ASZ1: variants seen among roughly 807,000 people sequenced by gnomAD.
ASZ1 encodes the protein ankyrin repeat, SAM and basic leucine zipper domain-containing protein 1.
A neutral mutation model predicts 61.8 loss-of-function variants in ASZ1; 67 were observed. The observed-to-expected ratio is 1.08, with a 90% confidence interval of 0.89 to 1.33. The LOEUF is 1.33. Among genes scored for constraint, ASZ1 ranks in the 40% most tolerant of loss-of-function variants. ASZ1 has a pLI of 0.00. For synonymous variants in ASZ1, 193 were observed against 192.7 expected (o/e 1.00, Z -0.01); for missense variants, 577 against 554.5 (o/e 1.04, Z -0.41).
chr7:117,388,353 A>C (rs947357955), intron 4 of ASZ1, among the ~76,000 whole-genome samples: 1 of 152,174 alleles, frequency 6.6e-6, no homozygotes, highest in Non-Finnish European at 1.5e-5. Flanking sequence ...TGCCATTATA[A>C]GGAAAGAAAA....
intron 9 of ASZ1, 47 bp from the exon 10 acceptor site, chr7:117,380,094 TAATTTAAAA>T: frequency 1.6e-6 from 2 of 1,269,444 alleles, no homozygotes; most frequent in East Asian, 2.4e-5. Flanking sequence ...TATACTTGAG[TAATTTAAAA>T]CTCAAAATTG....
chr7:117,423,197 G>C (rs1368786690), intron 2 of ASZ1, among the ~76,000 whole-genome samples: 1 of 152,088 alleles, frequency 6.6e-6, no homozygotes, highest in African/African-American at 2.4e-5. Flanking sequence ...ATCAGGTATT[G>C]AAAGTAAGTT....
intron 10 of ASZ1, among the ~76,000 whole-genome samples, chr7:117,371,890 CTCTTAT>C (rs1562845199): frequency 6.6e-6 from 1 of 152,116 alleles, no homozygotes; most frequent in Non-Finnish European, 1.5e-5. Flanking sequence ...AATTTATCAG[CTCTTAT>C]TCTTAAGATA....
intron 12 of ASZ1, among the ~76,000 whole-genome samples, chr7:117,366,408 T>C (rs1795940159): frequency 6.6e-6 from 1 of 152,168 alleles, no homozygotes; most frequent in South Asian, 2.1e-4. Context: ...AAATGAATTA[T>C]GGGTTGAAGC....
chr7:117,404,636 C>T (rs530508278), intron 4 of ASZ1, among the ~76,000 whole-genome samples: 8 of 152,042 alleles, frequency 5.3e-5, no homozygotes, highest in Non-Finnish European at 1.0e-4. Context: ...CTTTTGGGAT[C>T]GTGCTGATTT....
chr7:117,420,996 AC>A (rs1797089676), intron 3 of ASZ1, among the ~76,000 whole-genome samples: 1 of 152,334 alleles, frequency 6.6e-6, no homozygotes, highest in East Asian at 1.9e-4. Flanking sequence ...GATTTAACAT[AC>A]AGATAAGAAC....
rs1164049073 is a variant in ASZ1 at position 117,382,996 on chromosome 7, G to T, written c.802C>A (p.His268Asn). Residue 268 changes from histidine to asparagine, a missense_variant, in exon 7 of 13, where the codon CAC (histidine) becomes AAC (asparagine). Transcript: ENST00000284629. ...AACATGCTATATTACCTAAAAATGT[G>T]ATCTTTTTCTCTATCAGAATCTGTT... The part of the protein sequence containing the change: ...LTTDSDREKD[H>N]IFSSYTAFGD... The T allele has an allele frequency of 1.3e-6, 2 of 1,567,442 alleles. No homozygotes were observed. The highest frequency in any genetic ancestry group is 3.9e-5 in the Admixed American group (2 of 51,572).
chr7:117,426,832 T>C lies in ASZ1; in HGVS notation c.205+4A>G, dbSNP rs1471940164. The C allele has an allele frequency of 1.3e-6, 2 of 1,593,608 alleles. No individual in the cohort carries two copies. The highest frequency in any genetic ancestry group is 2.7e-5 in the African/African-American group (2 of 73,348). On this transcript the variant is annotated splice_donor_region_variant and intron_variant, in intron 2 of 12. Transcript: ENST00000284629. ...TTCAGATGAAACTGTCCCTTATCTC[T>C]CACCAGAATCTAGGAGCTCCTGGAC...
At chr7:117,404,139 G>C (rs932420765) in intron 4 of ASZ1, among the ~76,000 whole-genome samples, 9 of 151,962 alleles carry the variant, frequency 5.9e-5, no homozygotes, top group Non-Finnish European at 1.3e-4. Flanking sequence ...TTTTATATGA[G>C]GCCTCTGGTC....
chr7:117,389,310 T>C (rs753870961), intron 4 of ASZ1, among the ~76,000 whole-genome samples: 3 of 152,202 alleles, frequency 2.0e-5, no homozygotes, highest in Non-Finnish European at 4.4e-5. Context: ...AGGTAGTTTT[T>C]CAACCCTTGA....
chr7:117,412,506 A>C (rs1294705393), intron 4 of ASZ1, among the ~76,000 whole-genome samples: 1 of 151,932 alleles, frequency 6.6e-6, no homozygotes, highest in African/African-American at 2.4e-5. Context: ...TTACAACTAA[A>C]TTTATGTTCT....
rs376015532 is a variant in ASZ1 at position 117,420,208 on chromosome 7, A to C, written c.395T>G (p.Val132Gly). The C allele has an allele frequency of 2.5e-6, 4 of 1,612,560 alleles. No homozygotes were observed. Among genetic ancestry groups the C allele is most frequent in the Non-Finnish European group, 3.4e-6 (4 of 1,179,662 alleles). ...HGSEEQILKCVELLLSRNADP... is the reference protein window; with the variant it reads ...HGSEEQILKCGELLLSRNADP... ...AGCATTTCTTGAAAGTAGTAGTTCTACACACTTCAAGATCTGTTCCTCTGA... is the reference window on the plus strand; with the variant it reads ...AGCATTTCTTGAAAGTAGTAGTTCTCCACACTTCAAGATCTGTTCCTCTGA... Residue 132 changes from valine (V) to glycine (G), a missense_variant, in exon 4 of 13, where the codon GTA becomes GGA. Physicochemically the swap from Val to Gly is moderately radical, Grantham distance 109 (BLOSUM62 -3). Transcript: ENST00000284629.
rs550593191 is a variant in ASZ1, at chr7:117,395,431, T to C, written c.441-9622A>G. On this transcript the variant is annotated intron_variant, in intron 4 of 12. Coordinates refer to ENST00000284629, the MANE Select transcript of ASZ1 (RefSeq NM_130768.3). ...TGTTTGGCACTCTGAATACGATGTT[T>C]AATTCTATATATTTAGATTTTTAAA... is the stretch of plus-strand genomic sequence containing the variant. Among the ~76,000 whole-genome samples, 8 of 152,238 alleles carry C rather than the reference T, an allele frequency of 5.3e-5. No individual in the cohort carries two copies. The East Asian group carries it at 1.3e-3, about 26-fold the overall frequency.
chr7:117,413,646 T>C (rs1197824937), intron 4 of ASZ1, among the ~76,000 whole-genome samples: 1 of 151,630 alleles, frequency 6.6e-6, no homozygotes, highest in Non-Finnish European at 1.5e-5. Context: ...GTCCCACAGA[T>C]GGAAAATGAA....
At chr7:117,393,678 C>T (rs919435595) in intron 4 of ASZ1, among the ~76,000 whole-genome samples, 2 of 152,108 alleles carry the variant, frequency 1.3e-5, no homozygotes, top group African/African-American at 2.4e-5. Context: ...GTTACTATTA[C>T]TTTAATAAGT....
intron 4 of ASZ1, among the ~76,000 whole-genome samples, chr7:117,414,286 G>A (rs1185133740): frequency 6.6e-6 from 1 of 152,092 alleles, no homozygotes; most frequent in Non-Finnish European, 1.5e-5. Context: ...TGAAAGAGAA[G>A]AAATGTTGGA....
At chr7:117,427,284 G>A in intron 1 of ASZ1, 72 bp downstream of exon 1, 2 of 1,508,298 alleles carry the variant, frequency 1.3e-6, no homozygotes, top group Non-Finnish European at 9.2e-7. Context: ...GGTTTCACGA[G>A]GCTGGGCCTC....
chr7:117,390,301 C>T (rs1177677771), intron 4 of ASZ1, among the ~76,000 whole-genome samples: 1 of 152,050 alleles, frequency 6.6e-6, no homozygotes, highest in Non-Finnish European at 1.5e-5. Context: ...TCCCAGGTAG[C>T]TGAGACCACA....
chr7:117,398,225 T>C (rs1378696713), intron 4 of ASZ1, among the ~76,000 whole-genome samples: 1 of 152,196 alleles, frequency 6.6e-6, no homozygotes. Context: ...ACTTTGTGCA[T>C]TTTGCTCAAC....
Sources: gnomAD v4.1 joint callset for allele counts (sites outside exome capture counted in the v4.1 genomes callset) on GRCh38, gnomAD v4.1.1 for gene constraint, MANE v1.5 for transcripts, NCBI Gene and HGNC (gene_info 2026-07-23, HGNC 2026-07-21) for gene names.